Variants in CDH18 observed in about 807,000 individuals in gnomAD.
The protein encoded by CDH18 is cadherin 18, also known as cadherin-18.
A neutral mutation model predicts 67.9 loss-of-function variants in CDH18; 31 were observed. The ratio of observed to expected loss-of-function variants is 0.46; its 90% CI spans 0.34 to 0.62. CDH18 has a LOEUF of 0.62. Among genes scored for constraint, CDH18 ranks in the 20% least tolerant of loss-of-function variants. CDH18 has a pLI of 0.01. For missense variants in CDH18, 890 were observed against 975.5 expected, an observed-to-expected ratio of 0.91 and a Z score of 1.17; for synonymous variants, 362 against 347.2, an observed-to-expected ratio of 1.04 and a Z score of -0.48.
chr5:19,615,357 T>TA (rs1490624920), intron 5 of CDH18, among the ~76,000 whole-genome samples: 1 of 152,112 alleles, frequency 6.6e-6, no homozygotes, highest in Non-Finnish European at 1.5e-5. Context: ...TGATACACAG[T>TA]AACTTCTTAT....
At chr5:20,354,593 A>T (rs1413444554) in intron 1 of CDH18, among the ~76,000 whole-genome samples, 1 of 151,974 alleles carries the variant, frequency 6.6e-6, no homozygotes, top group Non-Finnish European at 1.5e-5. Flanking sequence ...GGGTCTTGCT[A>T]TGTTGCCCAG....
chr5:19,783,642 T>C (rs1775377331), intron 3 of CDH18, among the ~76,000 whole-genome samples: 1 of 152,190 alleles, frequency 6.6e-6, no homozygotes, highest in Non-Finnish European at 1.5e-5. Context: ...TTGTAGTTTC[T>C]ACCCTCTTCC....
At chr5:19,659,478 T>C (rs1237638587) in intron 5 of CDH18, among the ~76,000 whole-genome samples, 2 of 152,146 alleles carry the variant, frequency 1.3e-5, no homozygotes, top group African/African-American at 2.4e-5. Flanking sequence ...GTATCTGCAG[T>C]ACCAATTCTA....
intron 6 of CDH18, among the ~76,000 whole-genome samples, chr5:19,606,736 A>G (rs759738015): frequency 2.6e-5 from 4 of 151,892 alleles, no homozygotes; most frequent in Non-Finnish European, 5.9e-5. Context: ...TAGAACTAAT[A>G]GAAAAGAAGT....
chr5:20,131,100 T>C (rs940346565), intron 2 of CDH18, among the ~76,000 whole-genome samples: 8 of 152,138 alleles, frequency 5.3e-5, no homozygotes, highest in African/African-American at 1.7e-4. Flanking sequence ...TTGCAGAATT[T>C]GATCCCATTG....
intron 1 of CDH18, among the ~76,000 whole-genome samples, chr5:20,573,615 A>C (rs75716001): frequency 2.0e-5 from 3 of 151,080 alleles, no homozygotes; most frequent in Non-Finnish European, 4.4e-5. Flanking sequence ...CAATAATACA[A>C]TTATTAAAAG....
At chr5:19,711,504 T>C (rs898890736) in intron 5 of CDH18, among the ~76,000 whole-genome samples, 1 of 151,756 alleles carries the variant, frequency 6.6e-6, no homozygotes, top group Non-Finnish European at 1.5e-5. Context: ...CTGCCAAGCA[T>C]GTAAAAGACA....
intron 2 of CDH18, among the ~76,000 whole-genome samples, chr5:20,061,931 A>G (rs1192151971): frequency 1.3e-5 from 2 of 152,012 alleles, no homozygotes; most frequent in Admixed American, 1.3e-4. Flanking sequence ...ACAATTATCA[A>G]CACTTCCATG....
chr5:19,681,498 G>T (rs1351503556), intron 5 of CDH18, among the ~76,000 whole-genome samples: 1 of 151,596 alleles, frequency 6.6e-6, no homozygotes, highest in East Asian at 1.9e-4. Flanking sequence ...TTATATTGTG[G>T]CAGTGTCTCA....
intron 2 of CDH18, among the ~76,000 whole-genome samples, chr5:19,959,015 T>C (rs1191617001): frequency 6.6e-6 from 1 of 152,086 alleles, no homozygotes; most frequent in Non-Finnish European, 1.5e-5. Context: ...CTGGTCTTTC[T>C]GTTATTCTGA....
chr5:20,111,518 C>T (rs1747456569), intron 2 of CDH18, among the ~76,000 whole-genome samples: 1 of 133,850 alleles, frequency 7.5e-6, no homozygotes, highest in African/African-American at 2.6e-5. Flanking sequence ...TCCCTCCCTC[C>T]CTCCCTCCCT....
intron 2 of CDH18, among the ~76,000 whole-genome samples, chr5:19,949,649 A>G (rs1231730332): frequency 6.6e-6 from 1 of 152,106 alleles, no homozygotes; most frequent in African/African-American, 2.4e-5. Flanking sequence ...GAAAGTGCAA[A>G]AAGATTATGA....
intron 2 of CDH18, among the ~76,000 whole-genome samples, chr5:19,958,501 C>T (rs1217136517): frequency 6.6e-6 from 1 of 151,192 alleles, no homozygotes; most frequent in Non-Finnish European, 1.5e-5. Context: ...CTGTAAATGA[C>T]CTGTGGCCAG....
At chr5:20,227,903 C>A (rs1741761396) in intron 2 of CDH18, among the ~76,000 whole-genome samples, 1 of 152,096 alleles carries the variant, frequency 6.6e-6, no homozygotes, top group Non-Finnish European at 1.5e-5. Context: ...TCACAGGTAT[C>A]ACTTCTTCCA....
intron 3 of CDH18, among the ~76,000 whole-genome samples, chr5:19,824,444 A>G (rs1390129595): frequency 1.3e-5 from 2 of 152,174 alleles, no homozygotes; most frequent in East Asian, 3.9e-4. Context: ...CTCCACAGGA[A>G]CTTGTGCAAG....
At chr5:20,161,146 T>C (rs969847910) in intron 2 of CDH18, among the ~76,000 whole-genome samples, 3 of 152,172 alleles carry the variant, frequency 2.0e-5, no homozygotes, top group Admixed American at 6.5e-5. Context: ...TGAAACAATA[T>C]TGATTTATTA....
intron 3 of CDH18, among the ~76,000 whole-genome samples, chr5:19,800,902 T>C (rs1261682963): frequency 1.3e-5 from 2 of 152,172 alleles, no homozygotes; most frequent in Non-Finnish European, 2.9e-5. Context: ...GCAGATTGCC[T>C]GAGCTCGGGA....
At chr5:20,128,448 T>C (rs1749004528) in intron 2 of CDH18, among the ~76,000 whole-genome samples, 1 of 152,122 alleles carries the variant, frequency 6.6e-6, no homozygotes, top group South Asian at 2.1e-4. Context: ...GCCACTCAAA[T>C]GAGGGCTACC....
At chr5:19,744,503 TAC>T (rs34059092) in intron 4 of CDH18, among the ~76,000 whole-genome samples, 7,695 of 146,226 alleles carry the variant, frequency 0.053, 312 homozygotes, top group African/African-American at 0.13. Flanking sequence ...TAACTCAGTG[TAC>T]ACACACACAC....
Sources: gnomAD v4.1 joint callset for allele counts (sites outside exome capture counted in the v4.1 genomes callset) on GRCh38, gnomAD v4.1.1 for gene constraint, MANE v1.5 for transcripts, NCBI Gene and HGNC (gene_info 2026-07-23, HGNC 2026-07-21) for gene names.